The following ARL5B variants were observed in gnomAD, a reference collection of about 807,000 sequenced individuals.
The protein encoded by ARL5B is ADP-ribosylation factor-like protein 5B.
Under a neutral mutation model 26.9 loss-of-function variants are expected in ARL5B, and 10 were observed. The observed-to-expected ratio is 0.37, with a 90% CI of 0.23 to 0.63. The LOEUF is 0.63. ARL5B is among the 30% of genes least tolerant of loss of function. ARL5B has a pLI of 0.62. For missense variants in ARL5B, 167 were observed against 213.9 expected, an observed-to-expected ratio of 0.78 and a Z score of 1.37; for synonymous variants, 87 against 70.4, an observed-to-expected ratio of 1.24 and a Z score of -1.18.
intron 1 of ARL5B, among the ~76,000 whole-genome samples, chr10:18,661,262 C>A (rs960084370): frequency 6.6e-6 from 1 of 152,170 alleles, no homozygotes; most frequent in Non-Finnish European, 1.5e-5. Flanking sequence ...GTTGGTTTTC[C>A]CTTTATATCC....
At chr10:18,671,579 CTTT>C (rs964001830) in intron 3 of ARL5B, among the ~76,000 whole-genome samples, 17 of 151,986 alleles carry the variant, frequency 1.1e-4, no homozygotes, top group Non-Finnish European at 2.2e-4. Flanking sequence ...CATTTCTTAA[CTTT>C]TTATTCTGTA....
Position 18,667,540 on chromosome 10 carries a change from G to A in ARL5B, c.107+905G>A, listed in dbSNP as rs1005287065. 5.3e-5 allele frequency among the ~76,000 whole-genome samples: 8 copies of A among 152,112 alleles called. No individual in the cohort carries two copies. The Middle Eastern group carries it at 0.01, about 194-fold the overall frequency. Reference sequence around the variant, plus strand: ...TCTTTGTTGAAATAATTTTACACATGGCTTCAAAAATATACATAAAACCCA... The same window carrying A: ...TCTTTGTTGAAATAATTTTACACATAGCTTCAAAAATATACATAAAACCCA... On this transcript the variant is annotated intron_variant, in intron 2 of 5. Transcript: ENST00000377275.
At chr10:18,670,119 A>C (rs568438620) in intron 3 of ARL5B, among the ~76,000 whole-genome samples, 21 of 152,304 alleles carry the variant, frequency 1.4e-4, no homozygotes, top group Non-Finnish European at 1.8e-4. Context: ...TTATATTATA[A>C]TAGCATGTGT....
chr10:18,666,694 A>G (rs940243873), intron 2 of ARL5B, 59 bp downstream of exon 2: 13 of 1,376,680 alleles, frequency 9.4e-6, no homozygotes, highest in African/African-American at 2.9e-5. Flanking sequence ...TGTGTTTACA[A>G]TTAATAAGAG....
intron 1 of ARL5B, among the ~76,000 whole-genome samples, chr10:18,664,429 C>CTTTTTT (rs140830487): frequency 5.9e-5 from 4 of 67,250 alleles, no homozygotes; most frequent in Admixed American, 1.7e-4. Context: ...ACAGTAGTGT[C>CTTTTTT]TTTTTTTTTT....
At chr10:18,670,549 G>A (rs1247033958) in intron 3 of ARL5B, among the ~76,000 whole-genome samples, 1 of 151,698 alleles carries the variant, frequency 6.6e-6, no homozygotes, top group Non-Finnish European at 1.5e-5. Flanking sequence ...AGGCGGAGGT[G>A]GCAGTGAGCT....
intron 3 of ARL5B, among the ~76,000 whole-genome samples, chr10:18,671,149 C>G (rs2059885289): frequency 2.0e-5 from 3 of 152,016 alleles, no homozygotes; most frequent in African/African-American, 4.8e-5. Flanking sequence ...AGTTTATATT[C>G]AGATTAGTTG....
Position 18,673,553 on chromosome 10 carries a change from T to A in ARL5B, c.340-431T>A, listed in dbSNP as rs540428583. Among the ~76,000 whole-genome samples, 161 of 152,300 alleles carry A rather than the reference T, an allele frequency of 1.1e-3. 3 individuals are homozygous for A. The highest frequency in any genetic ancestry group is 3.8e-3 in the African/African-American group (158 of 41,570). On this transcript the variant is annotated intron_variant, in intron 4 of 5. Transcript: ENST00000377275. ...AGTATATCACAATCTATTCTTCTAA[T>A]GTTTTCATAGTATAAACAATGCTGA...
Position 18,672,598 on chromosome 10 carries a change from TCTTTC to T in ARL5B, c.256-19_256-15del, listed in dbSNP as rs757824606. The T allele has an allele frequency of 1.7e-5, 27 of 1,576,324 alleles. 1 individual carries two copies. The South Asian group carries it at 3.1e-4, about 18-fold the overall frequency. Reference sequence around the variant, plus strand: ...TTTCAGCATCCCATTCAATTTTCTGTCTTTCCTTTTAATTTTCTTCTAGTTCATCA... The same window carrying T: ...TTTCAGCATCCCATTCAATTTTCTGTCTTTTAATTTTCTTCTAGTTCATCA... On this transcript the variant is annotated intron_variant, in intron 3 of 5. Transcript: ENST00000377275.
chr10:18,662,730 G>A (rs1205609187), intron 1 of ARL5B, among the ~76,000 whole-genome samples: 2 of 149,940 alleles, frequency 1.3e-5, no homozygotes, highest in Non-Finnish European at 3.0e-5. Flanking sequence ...ATGAGATGGA[G>A]TCTCACTCTG....
rs2059913678 is a variant in ARL5B, at chr10:18,677,110, T to C, written c.*1894T>C. On this transcript the variant is annotated 3_prime_UTR_variant, in exon 6 of 6. Transcript: ENST00000377275. ...TGCCTGAATTTCTGCTTGGTTGTGT[T>C]GTTTACCGTAAGTACTGAGGGTAGT... The C allele has an allele frequency of 6.6e-6, 1 of 152,004 alleles. No homozygotes were observed. 9.4% of individuals were successfully genotyped at this position (152,004 alleles called of 1,614,324 possible).
At chr10:18,671,771 T>C (rs1305161149) in intron 3 of ARL5B, among the ~76,000 whole-genome samples, 5 of 151,858 alleles carry the variant, frequency 3.3e-5, no homozygotes, top group Admixed American at 1.3e-4. Flanking sequence ...CTCAAAGCAG[T>C]CCTCCCACCT....
In ARL5B at chr10:18,677,474, G is replaced by T. The variant is rs1037073133; in HGVS notation, c.*2258G>T. 6.6e-6 allele frequency: 1 copy of T among 152,018 alleles called. No homozygotes were observed. The highest frequency in any genetic ancestry group is 1.5e-5 in the Non-Finnish European group (1 of 67,718). 9.4% of individuals were successfully genotyped at this position (152,018 alleles called of 1,614,324 possible). ...AGATGAAATTGGCATCAGTGTAGACGGTGCTGATTGGGAAAAGTTCATGAT... is the reference window on the plus strand; with the variant it reads ...AGATGAAATTGGCATCAGTGTAGACTGTGCTGATTGGGAAAAGTTCATGAT... On this transcript the variant is annotated 3_prime_UTR_variant, in exon 6 of 6. Transcript: ENST00000377275.
intron 1 of ARL5B, among the ~76,000 whole-genome samples, chr10:18,664,515 G>A (rs759575746): frequency 4.9e-5 from 6 of 123,330 alleles, no homozygotes; most frequent in Middle Eastern, 6.0e-3. Flanking sequence ...TCGGCTCACC[G>A]CAAGCTCCGT....
In ARL5B at chr10:18,677,827, C is replaced by G. The variant is rs1171513487; in HGVS notation, c.*2611C>G. On this transcript the variant is annotated 3_prime_UTR_variant, in exon 6 of 6. Coordinates refer to ENST00000377275, the MANE Select transcript of ARL5B (RefSeq NM_178815.5). ...ATTTGTGTTTTATATCCCCCTTCAC[C>G]TCCATGTATTGGTTAGCACAGTTTA... 1 of 152,174 alleles carries G rather than the reference C, an allele frequency of 6.6e-6. No homozygotes were observed. The highest frequency in any genetic ancestry group is 1.5e-5 in the Non-Finnish European group (1 of 67,740). The allele number at this position is 152,174 out of a possible 1,614,324, so 9.4% of individuals were successfully genotyped here. A position where few individuals can be genotyped will look rare whatever the true frequency, so the allele number is the denominator to read the frequency against.
chr10:18,668,403 A>G, intron 2 of ARL5B, 127 bp from the exon 3 acceptor site: 3 of 951,514 alleles, frequency 3.2e-6, no homozygotes, highest in Non-Finnish European at 4.6e-6. Context: ...CTCCAGGTTT[A>G]TAATTTTCAT....
rs1273032827 is a variant in ARL5B at position 18,669,730 on chromosome 10, C to T, written c.255+1053C>T. Among the ~76,000 whole-genome samples, 5 of 152,106 alleles carry T rather than the reference C, an allele frequency of 3.3e-5. No individual in the cohort carries two copies. The East Asian group carries it at 9.7e-4, about 29-fold the overall frequency. On this transcript the variant is annotated intron_variant, in intron 3 of 5. Coordinates refer to ENST00000377275, the MANE Select transcript of ARL5B (RefSeq NM_178815.5). ...GAGTTGGGCCAGACACGGTGGCTCA[C>T]GCCTGTAATCCCAGCACTTTGGGAG...
At position 18,667,714 on chromosome 10, in the gene ARL5B, T is replaced by TACAC. The variant is rs764073680; in HGVS notation, c.108-806_108-803dup. On this transcript the variant is annotated intron_variant, in intron 2 of 5. Transcript: ENST00000377275. ...TATTCTAAATATATATATATATATATACACACACACACAAACACACACACA... is the reference window on the plus strand; with the variant it reads ...TATTCTAAATATATATATATATATATACACACACACACACACAAACACACACACA... Among the ~76,000 whole-genome samples, 5 of 149,204 alleles carry TACAC rather than the reference T, an allele frequency of 3.4e-5. No individual in the cohort carries two copies. In the East Asian group the frequency reaches 7.9e-4, roughly 24 times the overall value.
intron 2 of ARL5B, among the ~76,000 whole-genome samples, 193 bp from the exon 3 acceptor site, chr10:18,668,337 A>G (rs1054100029): frequency 3.9e-5 from 6 of 152,138 alleles, no homozygotes; most frequent in Admixed American, 1.3e-4. Flanking sequence ...AAAAACAAAC[A>G]AGAAACAAGT....
Sources: gnomAD v4.1 joint callset for allele counts (sites outside exome capture counted in the v4.1 genomes callset) on GRCh38, gnomAD v4.1.1 for gene constraint, MANE v1.5 for transcripts, NCBI Gene and HGNC (gene_info 2026-07-23, HGNC 2026-07-21) for gene names.